The following FAM13A variants were observed in gnomAD, a reference collection of about 807,000 sequenced individuals.
FAM13A encodes the protein protein FAM13A.
Under a neutral mutation model 129.6 loss-of-function variants are expected in FAM13A, and 76 were observed. The ratio of observed to expected loss-of-function variants is 0.59; its 90% confidence interval spans 0.49 to 0.71. The LOEUF (loss-of-function observed/expected upper bound fraction) is 0.71, where lower values mean the gene tolerates loss of function less well. Among genes scored for constraint, FAM13A ranks in the 30% least tolerant of loss-of-function variants. FAM13A has a pLI of 0.00. For missense variants in FAM13A, 1,108 were observed against 1,249.3 expected (o/e 0.89, Z 1.70); for synonymous variants, 443 against 449.9 (o/e 0.98, Z 0.20).
intron 7 of FAM13A, among the ~76,000 whole-genome samples, chr4:88,840,517 G>T (rs376302544): frequency 2.0e-5 from 3 of 151,916 alleles, no homozygotes; most frequent in African/African-American, 7.3e-5. Context: ...TGAGCGAGAG[G>T]GGATGAGACT....
intron 6 of FAM13A, among the ~76,000 whole-genome samples, chr4:88,866,008 A>G (rs914728682): frequency 4.1e-5 from 6 of 146,608 alleles, no homozygotes; most frequent in Middle Eastern, 3.7e-3. Flanking sequence ...AGTAGCTGGG[A>G]TTACAGGCAC....
chr4:88,890,779 G>A (rs1232495890), intron 6 of FAM13A, among the ~76,000 whole-genome samples: 1 of 152,118 alleles, frequency 6.6e-6, no homozygotes, highest in African/African-American at 2.4e-5. Flanking sequence ...GAGCAAAAAA[G>A]AGAAGGTCTC....
intron 4 of FAM13A, among the ~76,000 whole-genome samples, chr4:88,958,071 A>G (rs1585259): frequency 0.053 from 7,565 of 142,914 alleles, 289 homozygotes; most frequent in South Asian, 0.24. Flanking sequence ...CGTCAGAGGG[A>G]AAAAAAAAAA....
chr4:88,900,900 T>G (rs1747190811), intron 6 of FAM13A, among the ~76,000 whole-genome samples: 1 of 152,008 alleles, frequency 6.6e-6, no homozygotes, highest in African/African-American at 2.4e-5. Context: ...TCAAAAGACC[T>G]ATCTCCTGTG....
chr4:88,999,814 C>T (rs1396544936), intron 3 of FAM13A, among the ~76,000 whole-genome samples: 1 of 152,154 alleles, frequency 6.6e-6, no homozygotes, highest in African/African-American at 2.4e-5. Context: ...CACGGCTTGA[C>T]AGAGTTAGGG....
At chr4:89,021,502 T>G (rs763977042) in intron 2 of FAM13A, among the ~76,000 whole-genome samples, 5 of 152,002 alleles carry the variant, frequency 3.3e-5, no homozygotes, top group Non-Finnish European at 5.9e-5. Flanking sequence ...GAAGTAGACA[T>G]AGGAAAACAT....
At chr4:88,948,287 T>G (rs1221897079) in intron 4 of FAM13A, among the ~76,000 whole-genome samples, 2 of 152,172 alleles carry the variant, frequency 1.3e-5, no homozygotes, top group Admixed American at 1.3e-4. Context: ...AAACACTAGT[T>G]TCTTCTATTG....
chr4:88,835,836 ACTCACCTGCTG>A (rs1454319310), intron 7 of FAM13A, among the ~76,000 whole-genome samples: 2 of 152,130 alleles, frequency 1.3e-5, no homozygotes, highest in South Asian at 2.1e-4. Flanking sequence ...GGCTTCACTC[ACTCACCTGCTG>A]CTCACCTCCT....
chr4:88,915,666 T>TTAA (rs1278920864), intron 5 of FAM13A, among the ~76,000 whole-genome samples: 1 of 152,136 alleles, frequency 6.6e-6, no homozygotes, highest in Non-Finnish European at 1.5e-5. Context: ...TAAATCAAAC[T>TTAA]TCATTGTCAA....
At chr4:89,019,146 CA>C (rs1213710113) in intron 3 of FAM13A, among the ~76,000 whole-genome samples, 1 of 152,164 alleles carries the variant, frequency 6.6e-6, no homozygotes, top group Non-Finnish European at 1.5e-5. Flanking sequence ...TACAACCACA[CA>C]ACTTTTAGCT....
intron 3 of FAM13A, among the ~76,000 whole-genome samples, chr4:89,004,816 G>C (rs1764780387): frequency 6.6e-6 from 1 of 152,096 alleles, no homozygotes; most frequent in African/African-American, 2.4e-5. Context: ...TAAAAATATG[G>C]AAGCCCATGT....
chr4:89,017,963 TATA>T (rs1240275919), intron 3 of FAM13A, among the ~76,000 whole-genome samples: 1 of 152,200 alleles, frequency 6.6e-6, no homozygotes, highest in African/African-American at 2.4e-5. Context: ...TTCAATAAAA[TATA>T]ATATTTAATA....
chr4:89,051,790 C>A (rs1708674), intron 1 of FAM13A, among the ~76,000 whole-genome samples: 37,642 of 152,042 alleles, frequency 0.25, 4,752 homozygotes, highest in Non-Finnish European at 0.28. Flanking sequence ...ATGGCAGGTC[C>A]TGAAAAAAAT....
intron 3 of FAM13A, among the ~76,000 whole-genome samples, chr4:88,998,246 A>G (rs1432613660): frequency 6.6e-6 from 1 of 152,206 alleles, no homozygotes; most frequent in Non-Finnish European, 1.5e-5. Context: ...CACTAAGTTC[A>G]TGGTAATCTG....
intron 4 of FAM13A, among the ~76,000 whole-genome samples, chr4:88,971,799 C>T (rs1021436754): frequency 2.0e-5 from 3 of 152,154 alleles, no homozygotes; most frequent in Admixed American, 6.5e-5. Context: ...CATGAGCCAC[C>T]GCTCCTGGAA....
At chr4:88,939,615 T>C (rs531302756) in intron 4 of FAM13A, among the ~76,000 whole-genome samples, 1 of 152,278 alleles carries the variant, frequency 6.6e-6, no homozygotes, top group East Asian at 1.9e-4. Flanking sequence ...CTCCTACACT[T>C]GGGTGTAGAT....
intron 3 of FAM13A, among the ~76,000 whole-genome samples, chr4:89,018,727 T>C (rs1443409404): frequency 2.6e-5 from 4 of 152,194 alleles, no homozygotes; most frequent in Admixed American, 2.6e-4. Flanking sequence ...GCTAGAGAAA[T>C]ATAATGCTTC....
chr4:88,892,879 GATTT>G (rs1275397885), intron 6 of FAM13A, among the ~76,000 whole-genome samples: 20 of 151,106 alleles, frequency 1.3e-4, no homozygotes, highest in African/African-American at 4.3e-4. Flanking sequence ...ATACAATATT[GATTT>G]ATTTGATCAT....
chr4:88,767,101 T>C (rs1475221468), intron 13 of FAM13A, among the ~76,000 whole-genome samples: 1 of 152,154 alleles, frequency 6.6e-6, no homozygotes, highest in East Asian at 1.9e-4. Context: ...TCTCCAATGT[T>C]TATTTAAGAT....
Sources: gnomAD v4.1 joint callset for allele counts (sites outside exome capture counted in the v4.1 genomes callset) on GRCh38, gnomAD v4.1.1 for gene constraint, MANE v1.5 for transcripts, NCBI Gene and HGNC (gene_info 2026-07-23, HGNC 2026-07-21) for gene names.